Variants in RPAIN observed in about 807,000 individuals in gnomAD.
RPAIN encodes the protein RPA-interacting protein.
In RPAIN, 29 loss-of-function variants were observed where a neutral mutation model predicts 30.5. The observed-to-expected ratio is 0.95, with a 90% confidence interval of 0.71 to 1.30. RPAIN has a LOEUF of 1.30. Among genes scored for constraint, RPAIN ranks in the 50% most tolerant of loss-of-function variants. RPAIN has a pLI of 0.00. For missense variants in RPAIN, 247 were observed against 264.7 expected (o/e 0.93, Z 0.46); for synonymous variants, 101 against 93.5 (o/e 1.08, Z -0.46).
intron 1 of RPAIN, 70 bp downstream of exon 1, chr17:5,420,361 C>T (rs1914628516): frequency 7.3e-7 from 1 of 1,362,984 alleles, no homozygotes; most frequent in Non-Finnish European, 1.0e-6. Flanking sequence ...CTGCCTTCGC[C>T]TTAGCCCTGC....
At chr17:5,427,452 A>T (rs147190793) in intron 5 of RPAIN, 1,794 of 152,348 alleles carry the variant, frequency 0.012, 24 homozygotes, top group Middle Eastern at 0.017. Context: ...CCTTTTTTAC[A>T]TAAACAACTT....
intron 2 of RPAIN, among the ~76,000 whole-genome samples, chr17:5,422,197 T>G (rs1914933125): frequency 6.6e-6 from 1 of 152,250 alleles, no homozygotes; most frequent in South Asian, 2.1e-4. Flanking sequence ...GTTTGGCTAT[T>G]GACTGTTAAC....
chr17:5,432,552 C>T lies in RPAIN; in HGVS notation c.641C>T (p.Thr214Ile), dbSNP rs1485146840. The change falls in exon 7 of 7, where the codon ACT (threonine) becomes ATT (isoleucine). Residue 214 changes from threonine (T) to isoleucine (I), a missense_variant. By Grantham distance (89) the Thr-to-Ile change is moderately conservative (BLOSUM62 -1). Coordinates refer to ENST00000381209, the MANE Select transcript of RPAIN (RefSeq NM_001033002.4). ...SLLMSCLACD[T>I]WAVIL The stretch of plus-strand genomic sequence containing the variant: ...CCTGTTTAAACCTAGGCCTGTGATA[C>T]TTGGGCTGTGATCCTCTAGAGCCAG... 3 of 1,613,854 alleles carry T rather than the reference C, an allele frequency of 1.9e-6. No individual in the cohort carries two copies. The East Asian group carries it at 6.7e-5, about 36-fold the overall frequency.
intron 6 of RPAIN, chr17:5,428,684 G>A (rs558134551): frequency 6.0e-5 from 55 of 913,362 alleles, no homozygotes; most frequent in Middle Eastern, 5.1e-4. Context: ...AACACAAGTG[G>A]GTAAGGGAAC....
chr17:5,420,252 A>G lies in RPAIN; in HGVS notation c.42A>G (p.Lys14=), dbSNP rs1555531002. 2 of 1,613,580 alleles carry G rather than the reference A, an allele frequency of 1.2e-6. No individual in the cohort carries two copies. Among genetic ancestry groups the G allele is most frequent in the Non-Finnish European group, 1.7e-6 (2 of 1,179,916 alleles). The change falls in exon 1 of 7, where the codon AAA becomes AAG. Residue 14 remains lysine, a synonymous_variant. Coordinates refer to ENST00000381209, the MANE Select transcript of RPAIN (RefSeq NM_001033002.4). The part of the protein sequence containing the change: ...SLRSPRRSLY[K]LVGSPPWKEA... ...GGTCTCCGCGCCGCTCCCTGTACAA[A>G]CTGGTGGGCTCGCCGCCTTGGAAAG... is the stretch of plus-strand genomic sequence containing the variant.
At chr17:5,423,153 A>C (rs1223147040) in intron 3 of RPAIN, 1 of 199,186 alleles carries the variant, frequency 5.0e-6, no homozygotes, top group African/African-American at 2.3e-5. Context: ...GGAGATGGGA[A>C]GCAAAATCAG....
chr17:5,421,758 G>T (rs1343522551), intron 2 of RPAIN: 7 of 214,324 alleles, frequency 3.3e-5, no homozygotes, highest in Admixed American at 5.8e-5. Flanking sequence ...TGATTCAGTA[G>T]GCATAGGCTA....
Position 5,432,470 on chromosome 17 carries a change from T to A in RPAIN, c.631-72T>A, listed in dbSNP as rs982163562. On this transcript the variant is annotated intron_variant, in intron 6 of 6. Coordinates refer to ENST00000381209, the MANE Select transcript of RPAIN (RefSeq NM_001033002.4). ...ATCTAATGTGTAGAATTCTCATTGA[T>A]TACAACTTTTATCAGATATCTTTCA... 7.1e-6 allele frequency: 10 copies of A among 1,403,876 alleles called. No homozygotes were observed. In the Admixed American group the frequency reaches 1.3e-4, roughly 19 times the overall value. 87.0% of individuals were successfully genotyped at this position (1,403,876 alleles called of 1,614,324 possible).
At position 5,431,484 on chromosome 17, in the gene RPAIN, T is replaced by TAA. The variant is rs761313492; in HGVS notation, c.631-1043_631-1042dup. 2.5e-3 allele frequency: 904 copies of TAA among 367,942 alleles called. 4 individuals carry two copies. The highest frequency in any genetic ancestry group is 3.3e-3 in the Admixed American group (97 of 29,124). 22.8% of individuals were successfully genotyped at this position (367,942 alleles called of 1,614,324 possible). A position where few individuals can be genotyped will look rare whatever the true frequency, so the allele number is the denominator to read the frequency against. On this transcript the variant is annotated intron_variant, in intron 6 of 6. Transcript: ENST00000381209. ...GCTGGGTGACAGCGAGATTGTGCCT[T>TAA]AAAAAAAAAAAAAAAAGAGGAGGGG...
chr17:5,431,697 G>C (rs1419577147), intron 6 of RPAIN: 1 of 453,690 alleles, frequency 2.2e-6, no homozygotes, highest in South Asian at 1.6e-5. Flanking sequence ...TTGAAAGATA[G>C]GGGTGGGTTA....
At chr17:5,421,263 T>C (rs764146741) in intron 1 of RPAIN, 33 bp from the exon 2 acceptor site, 11 of 1,556,546 alleles carry the variant, frequency 7.1e-6, no homozygotes, top group Admixed American at 4.3e-5. Flanking sequence ...AAATGCTTTT[T>C]TTTTCCCCCC....
intron 2 of RPAIN, among the ~76,000 whole-genome samples, chr17:5,422,242 T>G (rs1049037479): frequency 2.0e-5 from 3 of 152,174 alleles, no homozygotes. Context: ...GTTTTCACAT[T>G]TATAAAATGA....
intron 3 of RPAIN, among the ~76,000 whole-genome samples, chr17:5,423,368 A>G (rs1597340598): frequency 6.9e-6 from 1 of 145,246 alleles, no homozygotes; most frequent in Non-Finnish European, 1.5e-5. Flanking sequence ...AAAAAAAAAA[A>G]TTATCTGGGT....
chr17:5,428,532 G>C, intron 6 of RPAIN: 1 of 1,320,172 alleles, frequency 7.6e-7, no homozygotes, highest in South Asian at 1.6e-5. Flanking sequence ...GACCCAGATA[G>C]GCCATGCTGG....
In RPAIN at chr17:5,429,597, A is replaced by C. The variant is rs534829723; in HGVS notation, c.630+1386A>C. 3.0e-6 allele frequency: 3 copies of C among 985,450 alleles called. No individual in the cohort carries two copies. In the East Asian group the frequency reaches 3.4e-4, roughly 112 times the overall value. 61.0% of individuals were successfully genotyped at this position (985,450 alleles called of 1,614,324 possible). A position where few individuals can be genotyped will look rare whatever the true frequency, so the allele number is the denominator to read the frequency against. On this transcript the variant is annotated intron_variant, in intron 6 of 6. Coordinates refer to ENST00000381209, the MANE Select transcript of RPAIN (RefSeq NM_001033002.4). ...TGGTGGAAGGATGCCATTTTCCATC[A>C]GCTTGTATGGAAAGAGACATAGCAG...
intron 5 of RPAIN, 111 bp from the exon 6 acceptor site, chr17:5,427,960 G>A (rs1915558055): frequency 3.9e-6 from 4 of 1,015,554 alleles, no homozygotes; most frequent in Admixed American, 3.6e-5. Flanking sequence ...GCTCCAAGGA[G>A]TCAAGCCATC....
chr17:5,427,370 A>C (rs1459866634), intron 5 of RPAIN: 1 of 152,204 alleles, frequency 6.6e-6, no homozygotes, highest in Non-Finnish European at 1.5e-5. Context: ...TCCTGACTTC[A>C]GGTGATCTGC....
chr17:5,423,146 G>C, intron 3 of RPAIN: 1 of 205,488 alleles, frequency 4.9e-6, no homozygotes, highest in Non-Finnish European at 9.6e-6. Flanking sequence ...AAGTGGAGGA[G>C]ATGGGAAGCA....
At chr17:5,424,150 G>A (rs1393960479) in intron 3 of RPAIN, among the ~76,000 whole-genome samples, 2 of 151,316 alleles carry the variant, frequency 1.3e-5, no homozygotes, top group Non-Finnish European at 2.9e-5. Flanking sequence ...ACCATACCGA[G>A]CTAATTTTTT....
Sources: allele counts gnomAD v4.1 joint callset (sites outside exome capture counted in the v4.1 genomes callset), GRCh38; gene constraint gnomAD v4.1.1; transcripts MANE v1.5; gene names NCBI Gene and HGNC (gene_info 2026-07-23, HGNC 2026-07-21).